The following MAP4K3 variants were observed in gnomAD, a reference collection of about 807,000 sequenced individuals.
MAP4K3 encodes MAPK/ERK kinase kinase kinase 3.
Under a neutral mutation model 143.5 loss-of-function variants are expected in MAP4K3, and 94 were observed. That is an observed-to-expected ratio of 0.65 (90% CI 0.55 to 0.78). The LOEUF is 0.78. MAP4K3 is among the 30% of genes least tolerant of loss of function. The pLI is 0.00. For synonymous variants in MAP4K3, 416 were observed against 347.2 expected, an observed-to-expected ratio of 1.20 and a Z score of -2.20; for missense variants, 1,077 against 1,068.1, an observed-to-expected ratio of 1.01 and a Z score of -0.12.
intron 29 of MAP4K3, 39 bp from the exon 30 acceptor site, chr2:39,258,626 G>T: frequency 7.5e-7 from 1 of 1,330,730 alleles, no homozygotes; most frequent in Non-Finnish European, 1.1e-6. Flanking sequence ...TACAGAAACT[G>T]TGATACTTAA....
chr2:39,404,673 G>C (rs2148611558), intron 1 of MAP4K3, among the ~76,000 whole-genome samples: 1 of 136,960 alleles, frequency 7.3e-6, no homozygotes, highest in East Asian at 2.1e-4. Flanking sequence ...CCAGGCTGGA[G>C]TGCAACGGCA....
At chr2:39,260,929 T>G in intron 28 of MAP4K3, 152 bp from the exon 29 acceptor site, 1 of 581,406 alleles carries the variant, frequency 1.7e-6, no homozygotes. Flanking sequence ...GACTCTCTTT[T>G]ATAAACATTT....
intron 21 of MAP4K3, among the ~76,000 whole-genome samples, chr2:39,284,961 T>C (rs890637207): frequency 3.9e-5 from 6 of 152,086 alleles, no homozygotes; most frequent in Admixed American, 2.0e-4. Context: ...CAGGCAAGCA[T>C]AGCTCACTTT....
At chr2:39,421,359 G>C (rs1667541246) in intron 1 of MAP4K3, among the ~76,000 whole-genome samples, 1 of 141,108 alleles carries the variant, frequency 7.1e-6, no homozygotes, top group Non-Finnish European at 1.5e-5. Flanking sequence ...TAGATTTATT[G>C]ACTTGGGCAT....
At chr2:39,427,144 C>T (rs116337031) in intron 1 of MAP4K3, among the ~76,000 whole-genome samples, 8 of 152,032 alleles carry the variant, frequency 5.3e-5, no homozygotes, top group African/African-American at 9.6e-5. Context: ...CACAGCACAA[C>T]AGGTAACCAG....
At chr2:39,338,517 A>G (rs1016932369) in intron 4 of MAP4K3, among the ~76,000 whole-genome samples, 4 of 152,236 alleles carry the variant, frequency 2.6e-5, no homozygotes, top group Non-Finnish European at 5.9e-5. Flanking sequence ...GACATTTTAT[A>G]AACTATTTGT....
rs1040935155 is a variant in MAP4K3 at position 39,417,024 on chromosome 2, T to C, written c.96+19868A>G. On this transcript the variant is annotated intron_variant, in intron 1 of 33. Coordinates refer to ENST00000263881, the MANE Select transcript of MAP4K3 (RefSeq NM_003618.4). ...TTACATGTAAAAGTTCACAGAATAA[T>C]GCTTAGCACATAGTAAGTGGTGTAT... 3.3e-5 allele frequency among the ~76,000 whole-genome samples: 5 copies of C among 152,180 alleles called. 1 individual carries two copies. The East Asian group carries it at 9.6e-4, about 29-fold the overall frequency.
intron 1 of MAP4K3, among the ~76,000 whole-genome samples, chr2:39,419,286 A>G (rs1226606342): frequency 6.6e-6 from 1 of 152,158 alleles, no homozygotes; most frequent in Non-Finnish European, 1.5e-5. Context: ...AAATAAGTTT[A>G]GTTTACAGAT....
intron 19 of MAP4K3, 103 bp from the exon 20 acceptor site, chr2:39,288,383 A>G: frequency 1.0e-6 from 1 of 990,494 alleles, no homozygotes; most frequent in South Asian, 1.6e-5. Flanking sequence ...TCTACTATAC[A>G]TTAGAGGTTT....
intron 1 of MAP4K3, among the ~76,000 whole-genome samples, chr2:39,379,192 A>G (rs1041712159): frequency 6.6e-6 from 1 of 152,106 alleles, no homozygotes; most frequent in Non-Finnish European, 1.5e-5. Flanking sequence ...GAATTCTTCT[A>G]AGAATACTAG....
chr2:39,410,161 TGGA>T (rs1214098102), intron 1 of MAP4K3, among the ~76,000 whole-genome samples: 2 of 152,178 alleles, frequency 1.3e-5, no homozygotes, highest in Non-Finnish European at 1.5e-5. Context: ...TTTGGGATTG[TGGA>T]GGAGGGAGCT....
intron 24 of MAP4K3, among the ~76,000 whole-genome samples, chr2:39,277,307 T>C (rs1452071640): frequency 6.6e-6 from 1 of 152,244 alleles, no homozygotes; most frequent in East Asian, 1.9e-4. Flanking sequence ...ATCATGCTTA[T>C]CCTGTCTGTG....
intron 23 of MAP4K3, among the ~76,000 whole-genome samples, chr2:39,279,066 AG>A (rs1280922556): frequency 6.6e-6 from 1 of 152,154 alleles, no homozygotes; most frequent in Non-Finnish European, 1.5e-5. Flanking sequence ...GAGCAGGAGC[AG>A]GAGTGGAAAT....
intron 18 of MAP4K3, among the ~76,000 whole-genome samples, chr2:39,290,739 T>C (rs7600636): frequency 0.73 from 111,367 of 152,136 alleles, 45,097 homozygotes; most frequent in Non-Finnish European, 0.9. Context: ...AGTATGTAAG[T>C]ATTACTACTC....
At chr2:39,267,384 T>C (rs1260971112) in intron 26 of MAP4K3, 137 bp from the exon 27 acceptor site, 2 of 671,476 alleles carry the variant, frequency 3.0e-6, no homozygotes, top group African/African-American at 3.6e-5. Flanking sequence ...AAAATTAGAA[T>C]AAAAAGGCCG....
intron 2 of MAP4K3, among the ~76,000 whole-genome samples, chr2:39,373,097 A>G (rs1314661814): frequency 6.6e-6 from 1 of 152,236 alleles, no homozygotes; most frequent in African/African-American, 2.4e-5. Flanking sequence ...CACTGGGGAA[A>G]AAAACCCTAA....
intron 1 of MAP4K3, among the ~76,000 whole-genome samples, chr2:39,383,987 T>G (rs1666420299): frequency 6.6e-6 from 1 of 151,682 alleles, no homozygotes; most frequent in South Asian, 2.1e-4. Flanking sequence ...AGCATGTGCC[T>G]ATAGTCCCAG....
intron 14 of MAP4K3, among the ~76,000 whole-genome samples, chr2:39,308,515 A>G (rs1025518504): frequency 6.6e-6 from 1 of 152,174 alleles, no homozygotes; most frequent in Admixed American, 6.5e-5. Flanking sequence ...GAAAGCTCCT[A>G]CTTCAATCCT....
chr2:39,415,995 A>ATATATATATATATC, intron 1 of MAP4K3, among the ~76,000 whole-genome samples: 1 of 104,324 alleles, frequency 9.6e-6, no homozygotes, highest in South Asian at 3.0e-4. Flanking sequence ...ATATATATAT[A>ATATATATATATATC]TATATATATA....
Sources: gnomAD v4.1 joint callset for allele counts (sites outside exome capture counted in the v4.1 genomes callset) on GRCh38, gnomAD v4.1.1 for gene constraint, MANE v1.5 for transcripts, NCBI Gene and HGNC (gene_info 2026-07-23, HGNC 2026-07-21) for gene names.